The following PIK3R6 variants were observed in gnomAD, a reference collection of about 807,000 sequenced individuals.
The protein encoded by PIK3R6 is phosphoinositide-3-kinase regulatory subunit 6.
In PIK3R6, 91 loss-of-function variants were observed where a neutral mutation model predicts 84.9. The observed-to-expected ratio is 1.07, with a 90% CI of 0.90 to 1.28. The LOEUF (loss-of-function observed/expected upper bound fraction) is 1.28, where lower values mean the gene tolerates loss of function less well. Ranked by LOEUF, PIK3R6 falls within the 50% of genes most tolerant of loss-of-function variation. The probability of loss-of-function intolerance (pLI) is 0.00; values close to 1 mark genes in which losing one functional copy is unlikely to be tolerated. For synonymous variants in PIK3R6, 416 were observed against 411.4 expected (o/e 1.01, Z -0.13); for missense variants, 996 against 985.1 (o/e 1.01, Z -0.15).
rs887743913 is a variant in PIK3R6, at chr17:8,844,460, C to T, written c.14-4763G>A. On this transcript the variant is annotated intron_variant, in intron 2 of 19. Coordinates refer to ENST00000619866, the MANE Select transcript of PIK3R6 (RefSeq NM_001010855.4). This position sits in a 1 kb window ranked among gnomAD's most constrained non-coding sequence, Gnocchi z 4.5. ...GGGATATTTCCTGTGACTCAAGTGG[C>T]TCAGCATTGTTCACATATGGTATGC... Among the ~76,000 whole-genome samples, 5 of 152,158 alleles carry T rather than the reference C, an allele frequency of 3.3e-5. No homozygotes were observed. The highest frequency in any genetic ancestry group is 7.3e-5 in the Non-Finnish European group (5 of 68,030).
Position 8,828,893 on chromosome 17 carries a change from C to T in PIK3R6, c.987G>A (p.Glu329=), listed in dbSNP as rs944034343. 6.4e-6 allele frequency: 10 copies of T among 1,568,840 alleles called. No individual in the cohort carries two copies. In the Admixed American group the frequency reaches 7.6e-5, roughly 12 times the overall value. Residue 329 remains glutamate, a synonymous_variant, in exon 11 of 20, where the codon GAG becomes GAA. Coordinates refer to ENST00000619866, the MANE Select transcript of PIK3R6 (RefSeq NM_001010855.4). ...LDLQGLRPDR[E]LARVSVLSTD... ...TGGACAGCACAGAAACCCGGGCCAA[C>T]TCCCGGTCCGGCCGGAGGCCCTGCA...
At position 8,819,561 on chromosome 17, in the gene PIK3R6, C is replaced by T. The variant is rs568114443; in HGVS notation, c.1880-363G>A. Among the ~76,000 whole-genome samples, 10 of 151,776 alleles carry T rather than the reference C, an allele frequency of 6.6e-5. No individual in the cohort carries two copies. The South Asian group carries it at 2.1e-3, about 32-fold the overall frequency. On this transcript the variant is annotated intron_variant, in intron 17 of 19. Coordinates refer to ENST00000619866, the MANE Select transcript of PIK3R6 (RefSeq NM_001010855.4). ...GGGCATGCTAAGAATGAAAGAAGCACCTGCCCAGGGATGTTGTGCAGGACA... is the reference window on the plus strand; with the variant it reads ...GGGCATGCTAAGAATGAAAGAAGCATCTGCCCAGGGATGTTGTGCAGGACA...
chr17:8,821,217 A>G (rs2087720301), intron 17 of PIK3R6, among the ~76,000 whole-genome samples: 1 of 152,228 alleles, frequency 6.6e-6, no homozygotes, highest in Non-Finnish European at 1.5e-5. Context: ...AGGCTCTTGC[A>G]TGAGAATACC....
At chr17:8,829,451 C>G (rs2088115825) in intron 10 of PIK3R6, among the ~76,000 whole-genome samples, 1 of 150,620 alleles carries the variant, frequency 6.6e-6, no homozygotes, top group Non-Finnish European at 1.5e-5. Flanking sequence ...CACTGACACG[C>G]ATCCACACAC....
intron 12 of PIK3R6, among the ~76,000 whole-genome samples, chr17:8,827,862 A>AAAAC (rs2087998456): frequency 1.4e-5 from 2 of 142,142 alleles, no homozygotes; most frequent in South Asian, 4.4e-4. Context: ...ATTACCTACA[A>AAAAC]AAACAAAACA....
At chr17:8,851,362 G>A (rs1342709395) in intron 1 of PIK3R6, among the ~76,000 whole-genome samples, 3 of 152,094 alleles carry the variant, frequency 2.0e-5, no homozygotes, top group African/African-American at 7.2e-5. Context: ...CGGGCGTGGT[G>A]GTGGGCGCCT....
At chr17:8,806,573 G>A (rs892268034) in intron 18 of PIK3R6, among the ~76,000 whole-genome samples, 5 of 152,158 alleles carry the variant, frequency 3.3e-5, no homozygotes, top group Non-Finnish European at 7.3e-5. Flanking sequence ...GAAGCCATGG[G>A]AGCCAGTGGA....
rs2089317367 is a variant in PIK3R6, at chr17:8,862,978, C to G, written c.-92+4551G>C. Reference sequence around the variant, plus strand: ...CACCTTCTATGTGTCAGACATTGTTCCAGGTCCCAGGGATGTGGCAATAAG... The same window carrying G: ...CACCTTCTATGTGTCAGACATTGTTGCAGGTCCCAGGGATGTGGCAATAAG... On this transcript the variant is annotated intron_variant, in intron 1 of 19. Coordinates refer to ENST00000619866, the MANE Select transcript of PIK3R6 (RefSeq NM_001010855.4). The surrounding 1 kb of genome is among the most constrained non-coding windows in gnomAD (Gnocchi z 4.3). Among the ~76,000 whole-genome samples the G allele has an allele frequency of 6.6e-6, 1 of 152,140 alleles. No homozygotes were observed. Among genetic ancestry groups the G allele is most frequent in the Non-Finnish European group, 1.5e-5 (1 of 68,036 alleles).
Position 8,803,059 on chromosome 17 carries a change from C to T in PIK3R6, c.*214G>A, listed in dbSNP as rs555474447. The stretch of plus-strand genomic sequence containing the variant: ...GCTTGGTGTGTATGTTCTCAAGCAG[C>T]GACAGCATTGCCTGGGCCATCCGTA... On this transcript the variant is annotated 3_prime_UTR_variant, in exon 20 of 20. Transcript: ENST00000619866. The surrounding 1 kb of genome is among the most constrained non-coding windows in gnomAD (Gnocchi z 5.0). 153 of 572,840 alleles carry T rather than the reference C, an allele frequency of 2.7e-4. No individual in the cohort carries two copies. The highest frequency in any genetic ancestry group is 1.9e-3 in the South Asian group (93 of 48,432). 35.5% of individuals were successfully genotyped at this position (572,840 alleles called of 1,614,324 possible). A position where few individuals can be genotyped will look rare whatever the true frequency, so the allele number is the denominator to read the frequency against.
At chr17:8,811,022 G>A (rs1414269404) in intron 18 of PIK3R6, among the ~76,000 whole-genome samples, 1 of 148,964 alleles carries the variant, frequency 6.7e-6, no homozygotes, top group African/African-American at 2.5e-5. Context: ...GGTTTTCTAT[G>A]AGGGCCTTGC....
intron 1 of PIK3R6, among the ~76,000 whole-genome samples, chr17:8,860,240 G>A (rs1398789433): frequency 1.3e-5 from 2 of 152,112 alleles, no homozygotes; most frequent in African/African-American, 2.4e-5. Context: ...ACAGCAGCAG[G>A]TGAGTGGCTG....
rs893933087 is a variant in PIK3R6 at position 8,822,712 on chromosome 17, A to C, written c.1718-55T>G. 1.9e-6 allele frequency: 3 copies of C among 1,553,104 alleles called. No homozygotes were observed. In the African/African-American group the frequency reaches 4.1e-5, roughly 21 times the overall value. ...GGAGGTTCCCAGGCCTCTTGCCCTA[A>C]CTTCCCCACCTCTCTGAGGGCAGGA... On this transcript the variant is annotated intron_variant, in intron 15 of 19. Coordinates refer to ENST00000619866, the MANE Select transcript of PIK3R6 (RefSeq NM_001010855.4).
intron 18 of PIK3R6, among the ~76,000 whole-genome samples, chr17:8,817,757 G>A (rs2087589485): frequency 6.6e-6 from 1 of 152,204 alleles, no homozygotes; most frequent in South Asian, 2.1e-4. Context: ...TGCCACAGCA[G>A]GACATGTGTA....
chr17:8,835,263 G>C lies in PIK3R6; in HGVS notation c.645+10C>G, dbSNP rs745734351. The stretch of plus-strand genomic sequence containing the variant: ...TGGGACTGACAAGGGGCTGCAGGCA[G>C]GGCCATTACCTGCAGCTTCCTGTGC... On this transcript the variant is annotated intron_variant, in intron 8 of 19. Transcript: ENST00000619866. The C allele has an allele frequency of 6.6e-7, 1 of 1,521,716 alleles. No individual in the cohort carries two copies. Among genetic ancestry groups the C allele is most frequent in the Non-Finnish European group, 8.9e-7 (1 of 1,124,712 alleles). 94.3% of individuals were successfully genotyped at this position (1,521,716 alleles called of 1,614,324 possible).
chr17:8,839,546 G>A lies in PIK3R6; in HGVS notation c.97+68C>T, dbSNP rs2088604307. 1.8e-5 allele frequency: 23 copies of A among 1,309,532 alleles called. No homozygotes were observed. Among genetic ancestry groups the A allele is most frequent in the South Asian group, 7.9e-5 (6 of 76,256 alleles). The allele number at this position is 1,309,532 out of a possible 1,614,324, so 81.1% of individuals were successfully genotyped here. A position where few individuals can be genotyped will look rare whatever the true frequency, so the allele number is the denominator to read the frequency against. On this transcript the variant is annotated intron_variant, in intron 3 of 19. Coordinates refer to ENST00000619866, the MANE Select transcript of PIK3R6 (RefSeq NM_001010855.4). This position sits in a 1 kb window ranked among gnomAD's most constrained non-coding sequence, Gnocchi z 4.2. Reference sequence around the variant, plus strand: ...CAGGCCGGGGCTCTTTCCTGTATGCGCGTGTATTGTTGGCTGGGGTTGGGT... The same window carrying A: ...CAGGCCGGGGCTCTTTCCTGTATGCACGTGTATTGTTGGCTGGGGTTGGGT...
At chr17:8,853,502 ATAAT>A (rs2089038299) in intron 1 of PIK3R6, among the ~76,000 whole-genome samples, 1 of 141,098 alleles carries the variant, frequency 7.1e-6, no homozygotes, top group Non-Finnish European at 1.6e-5. Flanking sequence ...AAAAAAAATA[ATAAT>A]AATAATAATA....
chr17:8,827,333 T>C (rs1449535951), intron 12 of PIK3R6, 39 bp from the exon 13 acceptor site: 1 of 1,539,854 alleles, frequency 6.5e-7, no homozygotes, highest in Non-Finnish European at 8.7e-7. Context: ...TCAGGCCCTC[T>C]CTCCAGCTCT....
intron 1 of PIK3R6, among the ~76,000 whole-genome samples, chr17:8,858,310 C>CTTT (rs752142944): frequency 1.5e-3 from 140 of 95,474 alleles, no homozygotes; most frequent in Middle Eastern, 6.8e-3. Context: ...CTCAATTAAT[C>CTTT]TTTTTTTTTT....
At chr17:8,836,435 C>T (rs569728196) in intron 7 of PIK3R6, 112 bp downstream of exon 7, 2 of 1,164,294 alleles carry the variant, frequency 1.7e-6, no homozygotes, top group East Asian at 2.4e-5. Flanking sequence ...GGGAGGTCTG[C>T]TAGGGCTCTT....
Sources: gnomAD v4.1 joint callset for allele counts (sites outside exome capture counted in the v4.1 genomes callset) on GRCh38, gnomAD v4.1.1 for gene constraint, Gnocchi (gnomAD v3.1) non-coding constraint, MANE v1.5 for transcripts, NCBI Gene and HGNC (gene_info 2026-07-23, HGNC 2026-07-21) for gene names.